Variants in RASGRF1 observed in about 807,000 individuals in gnomAD.
RASGRF1 encodes the protein Ras protein specific guanine nucleotide releasing factor 1, also known as ras-specific guanine nucleotide-releasing factor 1.
In RASGRF1, 40 loss-of-function variants were observed where a neutral mutation model predicts 138.7. The observed-to-expected ratio is 0.29, with a 90% confidence interval of 0.22 to 0.38. The LOEUF (loss-of-function observed/expected upper bound fraction) is 0.38, where lower values mean the gene tolerates loss of function less well. Among genes scored for constraint, RASGRF1 ranks in the 10% least tolerant of loss-of-function variants. RASGRF1 has a pLI of 1.00. For missense variants in RASGRF1, 1,108 were observed against 1,650.4 expected, an observed-to-expected ratio of 0.67 and a Z score of 5.69; for synonymous variants, 614 against 663.2, an observed-to-expected ratio of 0.93 and a Z score of 1.14.
chr15:78,984,199 C>A (rs114161526), intron 23 of RASGRF1, among the ~76,000 whole-genome samples: 1 of 152,174 alleles, frequency 6.6e-6, no homozygotes, highest in Admixed American at 6.5e-5. Flanking sequence ...GCCCACCCAG[C>A]GTCAGGATGA....
In RASGRF1 at chr15:79,071,800, T is replaced by C. The variant is rs557293188; in HGVS notation, c.277-7274A>G. On this transcript the variant is annotated intron_variant, in intron 1 of 26. Coordinates refer to ENST00000558480, the MANE Select transcript of RASGRF1 (RefSeq NM_001145648.3). The stretch of plus-strand genomic sequence containing the variant: ...GGCAGGTGAAGTCAGCTGGTCAGGG[T>C]GGTACCAGCTGCAAAGTGGCACCCC... Among the ~76,000 whole-genome samples, 3 of 152,192 alleles carry C rather than the reference T, an allele frequency of 2.0e-5. No individual in the cohort carries two copies. In the South Asian group the frequency reaches 6.2e-4, roughly 32 times the overall value.
At chr15:79,000,461 T>A (rs2056498031) in intron 16 of RASGRF1, among the ~76,000 whole-genome samples, 1 of 152,196 alleles carries the variant, frequency 6.6e-6, no homozygotes, top group Non-Finnish European at 1.5e-5. Flanking sequence ...CCTCTGGGTT[T>A]CAGTAGTCTC....
At chr15:79,017,130 C>T (rs1770337128) in intron 12 of RASGRF1, among the ~76,000 whole-genome samples, 1 of 152,224 alleles carries the variant, frequency 6.6e-6, no homozygotes, top group South Asian at 2.1e-4. Context: ...GTACTTTAGG[C>T]ACCCATGGGC....
intron 5 of RASGRF1, among the ~76,000 whole-genome samples, chr15:79,038,159 G>T (rs1279244604): frequency 6.6e-6 from 1 of 152,126 alleles, no homozygotes; most frequent in Non-Finnish European, 1.5e-5. Context: ...AGGGATTGGG[G>T]ACCCCTGATA....
At chr15:79,059,235 T>C (rs2057555182) in intron 2 of RASGRF1, among the ~76,000 whole-genome samples, 1 of 116,348 alleles carries the variant, frequency 8.6e-6, no homozygotes. Flanking sequence ...TTCCCTTCCC[T>C]TCCCTTCCCT....
rs77595130 is a variant in RASGRF1, at chr15:79,002,961, T to C, written c.2449+841A>G. 4.4e-3 allele frequency among the ~76,000 whole-genome samples: 670 copies of C among 152,364 alleles called. 7 individuals carry two copies. The highest frequency in any genetic ancestry group is 0.015 in the African/African-American group (631 of 41,588). ...GCGTGCGTGTGTGCACGTGCTCTCA[T>C]GTGCTAACCGAGACAATGCTTGTGG... On this transcript the variant is annotated intron_variant, in intron 15 of 26. Coordinates refer to ENST00000558480, the MANE Select transcript of RASGRF1 (RefSeq NM_001145648.3).
chr15:79,030,219 G>A (rs889830032), intron 8 of RASGRF1, among the ~76,000 whole-genome samples: 5 of 152,142 alleles, frequency 3.3e-5, no homozygotes, highest in Non-Finnish European at 5.9e-5. Flanking sequence ...GCCCCTTGCC[G>A]GCCTCAGGAA....
In RASGRF1 at chr15:79,032,116, A is replaced by C. The variant is rs1417188576; in HGVS notation, c.1152+7T>G. 2 of 1,612,538 alleles carry C rather than the reference A, an allele frequency of 1.2e-6. No homozygotes were observed. On this transcript the variant is annotated splice_region_variant and intron_variant, in intron 7 of 26. Coordinates refer to ENST00000558480, the MANE Select transcript of RASGRF1 (RefSeq NM_001145648.3). The surrounding 1 kb of genome is among the most constrained non-coding windows in gnomAD (Gnocchi z 4.5). Reference sequence around the variant, plus strand: ...CTCTACCCCACCCAGGCAGGGCCGGACGCCACCTGGAACATGGGGTAGGTG... The same window carrying C: ...CTCTACCCCACCCAGGCAGGGCCGGCCGCCACCTGGAACATGGGGTAGGTG...
rs1054156971 is a variant in RASGRF1, at chr15:79,004,034, C to A, written c.2217G>T (p.Arg739=). Residue 739 remains arginine (R), a synonymous_variant, in exon 15 of 27, where the codon CGG becomes CGT. Coordinates refer to ENST00000558480, the MANE Select transcript of RASGRF1 (RefSeq NM_001145648.3). ...ITKTSSPSRR[R]KLSLNIPIIT... is the part of the protein sequence containing the mutation. ...TGATGGGGATGTTCAGGGAGAGCTT[C>A]CGCCGGCGGCTCGGTGACGATGTCT... 11 of 1,614,028 alleles carry A rather than the reference C, an allele frequency of 6.8e-6. No homozygotes were observed. The African/African-American group carries it at 1.2e-4, about 18-fold the overall frequency.
At chr15:79,038,836 TA>T (rs1248621844) in intron 5 of RASGRF1, among the ~76,000 whole-genome samples, 1 of 152,178 alleles carries the variant, frequency 6.6e-6, no homozygotes, top group African/African-American at 2.4e-5. Flanking sequence ...ACATATATAT[TA>T]TTTTATTGTT....
At chr15:78,978,925 T>TA in intron 24 of RASGRF1, 1 of 1,273,732 alleles carries the variant, frequency 7.9e-7, no homozygotes, top group African/African-American at 1.5e-5. Context: ...GAGAGACACT[T>TA]ACACGGGCCC....
At chr15:79,001,905 A>G (rs1325729620) in intron 15 of RASGRF1, 118 bp from the exon 16 acceptor site, 2 of 668,798 alleles carry the variant, frequency 3.0e-6, no homozygotes, top group Non-Finnish European at 4.2e-6. Context: ...AACTTGGGAT[A>G]CAGCCACTGA....
intron 2 of RASGRF1, among the ~76,000 whole-genome samples, chr15:79,061,211 T>C (rs1016406763): frequency 6.6e-6 from 1 of 151,962 alleles, no homozygotes; most frequent in Non-Finnish European, 1.5e-5. Context: ...CTGGAAGTGA[T>C]GATTTCTCAG....
At chr15:79,075,332 A>T (rs1419758431) in intron 1 of RASGRF1, among the ~76,000 whole-genome samples, 1 of 152,082 alleles carries the variant, frequency 6.6e-6, no homozygotes, top group Admixed American at 6.5e-5. Flanking sequence ...ATGTTCTGGA[A>T]CCACACCTGT....
At chr15:79,007,872 T>C (rs2056715521) in intron 13 of RASGRF1, among the ~76,000 whole-genome samples, 1 of 151,324 alleles carries the variant, frequency 6.6e-6, no homozygotes, top group Non-Finnish European at 1.5e-5. Flanking sequence ...TTTCTTTTTT[T>C]TTTTTTCTGT....
chr15:79,058,080 A>G (rs62011243), intron 3 of RASGRF1, among the ~76,000 whole-genome samples: 18,272 of 152,326 alleles, frequency 0.12, 1,157 homozygotes, highest in Non-Finnish European at 0.13. Flanking sequence ...ACAGCTGCAG[A>G]AACTGAGGCA....
intron 24 of RASGRF1, among the ~76,000 whole-genome samples, chr15:78,975,075 G>A (rs778010576): frequency 2.6e-5 from 4 of 152,302 alleles, no homozygotes; most frequent in Non-Finnish European, 5.9e-5. Context: ...TTTAGAAGGT[G>A]TAGACCAGAA....
chr15:78,980,469 TG>T, intron 24 of RASGRF1, 150 bp downstream of exon 24: 1 of 552,178 alleles, frequency 1.8e-6, no homozygotes, highest in South Asian at 3.0e-5. Flanking sequence ...ACTCCACCAT[TG>T]GGGTCCAGGA....
chr15:78,987,489 A>C (rs1382001242), intron 22 of RASGRF1, among the ~76,000 whole-genome samples: 1 of 152,074 alleles, frequency 6.6e-6, no homozygotes, highest in Non-Finnish European at 1.5e-5. Flanking sequence ...TGAGGTCCGG[A>C]GTTTGAGACC....
Sources: gnomAD v4.1 joint callset for allele counts (sites outside exome capture counted in the v4.1 genomes callset) on GRCh38, gnomAD v4.1.1 for gene constraint, Gnocchi (gnomAD v3.1) non-coding constraint, MANE v1.5 for transcripts, NCBI Gene and HGNC (gene_info 2026-07-23, HGNC 2026-07-21) for gene names.